The following ZNF583 variants were observed in gnomAD, a reference collection of about 807,000 sequenced individuals.
The protein encoded by ZNF583 is zinc finger protein 583, also known as zinc finger protein L3-5.
In ZNF583, 30 loss-of-function variants were observed where a neutral mutation model predicts 55.3. The observed-to-expected ratio is 0.54, with a 90% confidence interval of 0.41 to 0.74. The LOEUF is 0.74. Ranked by LOEUF, ZNF583 falls within the 30% of genes least tolerant of loss-of-function variation. The pLI, the probability that ZNF583 is intolerant of heterozygous loss-of-function variation, is 0.00. For synonymous variants in ZNF583, 208 were observed against 220.0 expected (o/e 0.95, Z 0.48); for missense variants, 504 against 664.7 (o/e 0.76, Z 2.66).
rs1035578978 is a variant in ZNF583 at position 56,404,376 on chromosome 19, G to C, written c.-166G>C. 6.6e-6 allele frequency: 1 copy of C among 151,230 alleles called. No homozygotes were observed. Among genetic ancestry groups the C allele is most frequent in the Non-Finnish European group, 1.5e-5 (1 of 68,184 alleles). The allele number at this position is 151,230 out of a possible 1,614,324, so 9.4% of individuals were successfully genotyped here. ...GAGCGCGGCCGCCGGCCAGGATCGA[G>C]CCCTGGCCCGGGCCCTGGCCCAGCC... On this transcript the variant is annotated 5_prime_UTR_variant, in exon 1 of 5. Transcript: ENST00000333201. This position sits in a 1 kb window ranked among gnomAD's most constrained non-coding sequence, Gnocchi z 5.2.
At chr19:56,406,020 A>G (rs2042141614) in intron 1 of ZNF583, among the ~76,000 whole-genome samples, 1 of 152,234 alleles carries the variant, frequency 6.6e-6, no homozygotes, top group African/African-American at 2.4e-5. Flanking sequence ...CTGCTGGACA[A>G]GAATTCACCA....
In ZNF583 at chr19:56,424,891, A is replaced by G. The variant is rs1280219886; in HGVS notation, c.*523A>G. On this transcript the variant is annotated 3_prime_UTR_variant, in exon 5 of 5. Transcript: ENST00000333201. The stretch of plus-strand genomic sequence containing the variant: ...AGTTAATAGAAGAATGAAATAATGC[A>G]TGTAAATTGCTCAGCAGCGTGCCTA... 6.5e-6 allele frequency: 1 copy of G among 154,410 alleles called. No homozygotes were observed. The highest frequency in any genetic ancestry group is 2.4e-5 in the African/African-American group (1 of 41,474). The allele number at this position is 154,410 out of a possible 1,614,324, so 9.6% of individuals were successfully genotyped here.
rs368014962 is a variant in ZNF583, at chr19:56,405,168, G to GT, written c.-90+717dup. ...AGACTGTGTCACTGTATGTGAAACT[G>GT]TATGTGAACAGAGTTTTTGTTGTTG... is the stretch of plus-strand genomic sequence containing the variant. On this transcript the variant is annotated intron_variant, in intron 1 of 4. Coordinates refer to ENST00000333201, the MANE Select transcript of ZNF583 (RefSeq NM_152478.3). Among the ~76,000 whole-genome samples, 648 of 152,346 alleles carry GT rather than the reference G, an allele frequency of 4.3e-3. 5 individuals are homozygous for GT. Among genetic ancestry groups the GT allele is most frequent in the African/African-American group, 0.015 (623 of 41,578 alleles).
chr19:56,425,223 T>C lies in ZNF583; in HGVS notation c.*855T>C, dbSNP rs1261301127. ...TAATGTCTTATTTTAAAAGTCTTTT[T>C]TTTTGAGATGGAGTCTTGCTCTGTT... On this transcript the variant is annotated 3_prime_UTR_variant, in exon 5 of 5. Coordinates refer to ENST00000333201, the MANE Select transcript of ZNF583 (RefSeq NM_152478.3). 2.0e-5 allele frequency: 3 copies of C among 152,222 alleles called. No homozygotes were observed. The highest frequency in any genetic ancestry group is 7.2e-5 in the African/African-American group (3 of 41,448). The allele number at this position is 152,222 out of a possible 1,614,324, so 9.4% of individuals were successfully genotyped here.
At chr19:56,417,163 A>G (rs190309317) in intron 4 of ZNF583, among the ~76,000 whole-genome samples, 312 of 152,314 alleles carry the variant, frequency 2.0e-3, no homozygotes, top group African/African-American at 6.1e-3. Context: ...GCTGTCATGT[A>G]CAGGACTTTG....
intron 4 of ZNF583, chr19:56,414,811 G>C (rs2042292687): frequency 6.5e-6 from 1 of 153,634 alleles, no homozygotes; most frequent in African/African-American, 2.5e-5. Flanking sequence ...TGGATCACTT[G>C]AGCCCAGGAG....
intron 1 of ZNF583, among the ~76,000 whole-genome samples, chr19:56,405,537 G>A (rs971688897): frequency 2.6e-5 from 4 of 152,076 alleles, no homozygotes; most frequent in African/African-American, 9.7e-5. Context: ...TGAGATAAAG[G>A]GGAAAAGATG....
rs1212359088 is a variant in ZNF583, at chr19:56,425,189, C to G, written c.*821C>G. ...AGCATTCACTGGATATTTAACAGTT[C>G]TAAGATGCTAATGTCTTATTTTAAA... On this transcript the variant is annotated 3_prime_UTR_variant, in exon 5 of 5. Coordinates refer to ENST00000333201, the MANE Select transcript of ZNF583 (RefSeq NM_152478.3). The G allele has an allele frequency of 2.0e-5, 3 of 151,860 alleles. No homozygotes were observed. Among genetic ancestry groups the G allele is most frequent in the Admixed American group, 1.3e-4 (2 of 15,218 alleles). 9.4% of individuals were successfully genotyped at this position (151,860 alleles called of 1,614,324 possible).
chr19:56,425,618 A>G lies in ZNF583; in HGVS notation c.*1250A>G, dbSNP rs930115893. ...AAATCTTGAAACAAGTCAGTAACCA[A>G]TGATGAGTAGAAAATAAAGTATAAG... On this transcript the variant is annotated 3_prime_UTR_variant, in exon 5 of 5. Transcript: ENST00000333201. 2 of 152,252 alleles carry G rather than the reference A, an allele frequency of 1.3e-5. No homozygotes were observed. Among genetic ancestry groups the G allele is most frequent in the Non-Finnish European group, 2.9e-5 (2 of 68,052 alleles). 9.4% of individuals were successfully genotyped at this position (152,252 alleles called of 1,614,324 possible).
At chr19:56,409,013 C>T (rs2042198850) in intron 2 of ZNF583, among the ~76,000 whole-genome samples, 1 of 150,184 alleles carries the variant, frequency 6.7e-6, no homozygotes, top group African/African-American at 2.5e-5. Flanking sequence ...ATAGCTTGCT[C>T]CCCCATTTCA....
chr19:56,425,175 G>T lies in ZNF583; in HGVS notation c.*807G>T, dbSNP rs2042483322. On this transcript the variant is annotated 3_prime_UTR_variant, in exon 5 of 5. Coordinates refer to ENST00000333201, the MANE Select transcript of ZNF583 (RefSeq NM_152478.3). Reference sequence around the variant, plus strand: ...TGGTGGCTTGTATCAGCATTCACTGGATATTTAACAGTTCTAAGATGCTAA... The same window carrying T: ...TGGTGGCTTGTATCAGCATTCACTGTATATTTAACAGTTCTAAGATGCTAA... 1 of 151,930 alleles carries T rather than the reference G, an allele frequency of 6.6e-6. No individual in the cohort carries two copies. Among genetic ancestry groups the T allele is most frequent in the African/African-American group, 2.4e-5 (1 of 41,364 alleles). 9.4% of individuals were successfully genotyped at this position (151,930 alleles called of 1,614,324 possible).
At chr19:56,406,644 T>TGCCTCA (rs368171604) in intron 1 of ZNF583, among the ~76,000 whole-genome samples, 5,844 of 150,126 alleles carry the variant, frequency 0.039, 364 homozygotes, top group African/African-American at 0.13. Flanking sequence ...GCCATTCTCC[T>TGCCTCA]GCCTCCTCAG....
chr19:56,406,493 G>C (rs972570427), intron 1 of ZNF583, among the ~76,000 whole-genome samples: 4 of 151,848 alleles, frequency 2.6e-5, no homozygotes, highest in African/African-American at 7.3e-5. Context: ...ATTATAAATG[G>C]GGAGGTAACT....
chr19:56,427,041 A>G lies in ZNF583; in HGVS notation c.*2673A>G, dbSNP rs756750948. On this transcript the variant is annotated 3_prime_UTR_variant, in exon 5 of 5. Coordinates refer to ENST00000333201, the MANE Select transcript of ZNF583 (RefSeq NM_152478.3). ...ATTGTAGCAGAAGATGCTGCATGTT[A>G]TATGCGAATGACCGAAGGGTTTTAA... 2 of 152,130 alleles carry G rather than the reference A, an allele frequency of 1.3e-5. No individual in the cohort carries two copies. Among genetic ancestry groups the G allele is most frequent in the African/African-American group, 2.4e-5 (1 of 41,434 alleles). The allele number at this position is 152,130 out of a possible 1,614,324, so 9.4% of individuals were successfully genotyped here.
chr19:56,419,286 C>A (rs1473030209), intron 4 of ZNF583, among the ~76,000 whole-genome samples: 1 of 151,658 alleles, frequency 6.6e-6, no homozygotes, highest in Non-Finnish European at 1.5e-5. Context: ...ACCTCCACCT[C>A]CCGGGTTCAA....
intron 4 of ZNF583, among the ~76,000 whole-genome samples, chr19:56,415,616 C>T (rs992199657): frequency 2.0e-5 from 3 of 152,068 alleles, no homozygotes; most frequent in Admixed American, 2.0e-4. Flanking sequence ...GACCTGTTGC[C>T]CAGGCTGGAG....
chr19:56,413,939 ATG>A lies in ZNF583; in HGVS notation c.10-16_10-15del. 1 of 1,613,884 alleles carries A rather than the reference ATG, an allele frequency of 6.2e-7. No homozygotes were observed. The highest frequency in any genetic ancestry group is 8.5e-7 in the Non-Finnish European group (1 of 1,179,860). ...GGATATGAACACTAGTTGAGCAAGA[ATG>A]TGTTTATGTCATTTCAGGATTTGGT... On this transcript the variant is annotated intron_variant, in intron 2 of 4. Transcript: ENST00000333201.
At position 56,426,933 on chromosome 19, in the gene ZNF583, A is replaced by G. The variant is rs1222813686; in HGVS notation, c.*2565A>G. 1 of 112,124 alleles carries G rather than the reference A, an allele frequency of 8.9e-6. No homozygotes were observed. Among genetic ancestry groups the G allele is most frequent in the African/African-American group, 3.2e-5 (1 of 31,276 alleles). 6.9% of individuals were successfully genotyped at this position (112,124 alleles called of 1,614,324 possible). The stretch of plus-strand genomic sequence containing the variant: ...TTATACACATAGAACAATGTAAATG[A>G]TTCTTAAAAAAAAAAAAAAGGTGAG... On this transcript the variant is annotated 3_prime_UTR_variant, in exon 5 of 5. Coordinates refer to ENST00000333201, the MANE Select transcript of ZNF583 (RefSeq NM_152478.3).
intron 2 of ZNF583, among the ~76,000 whole-genome samples, chr19:56,411,317 G>A (rs981425432): frequency 2.0e-5 from 3 of 152,034 alleles, no homozygotes; most frequent in Admixed American, 6.6e-5. Context: ...AAACAAAGGA[G>A]TGGGGGGAAA....
Sources: allele counts gnomAD v4.1 joint callset (sites outside exome capture counted in the v4.1 genomes callset), GRCh38; gene constraint gnomAD v4.1.1; non-coding constraint Gnocchi (gnomAD v3.1); transcripts MANE v1.5; gene names NCBI Gene and HGNC (gene_info 2026-07-23, HGNC 2026-07-21).